The following GLT1D1 variants were observed in gnomAD, a reference collection of about 807,000 sequenced individuals.
GLT1D1 encodes glycosyltransferase 1 domain containing 1, also known as glycosyltransferase 1 domain-containing protein 1.
Under a neutral mutation model 28.7 loss-of-function variants are expected in GLT1D1, and 21 were observed. The observed-to-expected ratio is 0.73, with a 90% CI of 0.52 to 1.05. The LOEUF (loss-of-function observed/expected upper bound fraction) is 1.05, where lower values mean the gene tolerates loss of function less well. GLT1D1 is among the 50% of genes least tolerant of loss of function. The probability of loss-of-function intolerance (pLI) is 0.00; values close to 1 mark genes in which losing one functional copy is unlikely to be tolerated. For missense variants in GLT1D1, 343 were observed against 330.6 expected, an observed-to-expected ratio of 1.04 and a Z score of -0.29; for synonymous variants, 147 against 124.8, an observed-to-expected ratio of 1.18 and a Z score of -1.19.
intron 3 of GLT1D1, among the ~76,000 whole-genome samples, chr12:128,889,405 C>T (rs867703680): frequency 6.6e-6 from 1 of 152,114 alleles, no homozygotes; most frequent in East Asian, 1.9e-4. Flanking sequence ...GAGAACAGCT[C>T]TACATGCTCT....
rs149199080 is a variant in GLT1D1 at position 128,888,202 on chromosome 12, C to T, written c.218-437C>T. Among the ~76,000 whole-genome samples the T allele has an allele frequency of 2.2e-4, 34 of 152,172 alleles. No homozygotes were observed. The East Asian group carries it at 6.0e-3, about 27-fold the overall frequency. ...AGGATATTATCAAGGTTGTCTGTAC[C>T]TCTCTCTCCCCTGTTGTTGTCCCAA... On this transcript the variant is annotated intron_variant, in intron 2 of 7. Transcript: ENST00000281703.
chr12:128,945,495 A>G, intron 5 of GLT1D1, 126 bp downstream of exon 9: 1 of 825,444 alleles, frequency 1.2e-6, no homozygotes, highest in Non-Finnish European at 2.1e-6. Flanking sequence ...TTCCTCATGC[A>G]TCTTCCCGGC....
chr12:128,928,779 C>T (rs1438146029), intron 4 of GLT1D1, among the ~76,000 whole-genome samples: 2 of 151,988 alleles, frequency 1.3e-5, no homozygotes, highest in African/African-American at 4.8e-5. Flanking sequence ...TGCCACCACA[C>T]CTGGCTAATT....
chr12:128,915,715 C>A (rs1245298156), intron 4 of GLT1D1, among the ~76,000 whole-genome samples: 2 of 152,160 alleles, frequency 1.3e-5, no homozygotes, highest in African/African-American at 4.8e-5. Context: ...CAAAAAGAAA[C>A]TGCTATTAAT....
chr12:128,981,355 GTT>G (rs982103877), intron 7 of GLT1D1, among the ~76,000 whole-genome samples: 52 of 152,126 alleles, frequency 3.4e-4, no homozygotes, highest in African/African-American at 1.2e-3. Context: ...AGGGGGTTGG[GTT>G]TCCACCAAAG....
chr12:128,894,781 C>T (rs112489104), intron 3 of GLT1D1, among the ~76,000 whole-genome samples: 33 of 151,948 alleles, frequency 2.2e-4, no homozygotes, highest in African/African-American at 5.8e-4. Context: ...ACCCAGGAGG[C>T]GGAGGTTACA....
intron 2 of GLT1D1, among the ~76,000 whole-genome samples, chr12:128,885,801 G>T (rs1957161638): frequency 6.6e-6 from 1 of 151,974 alleles, no homozygotes; most frequent in Non-Finnish European, 1.5e-5. Flanking sequence ...TCTTTTAGGT[G>T]TCTATTTTTC....
Position 128,947,424 on chromosome 12 carries a change from C to G in GLT1D1, c.506C>G (p.Ser169Cys), listed in dbSNP as rs755891712. Residue 169 changes from serine (S) to cysteine (C), a missense_variant, in exon 6 of 8, where the codon TCT (serine) becomes TGT (cysteine). By Grantham distance (112) the Ser-to-Cys change is moderately radical (BLOSUM62 -1). Transcript: ENST00000281703. ...AATTGCTTCGCGGTGGTGAATAGCT[C>G]TGTCTCTGAAGGCATGTCAGCTGCA... The G allele has an allele frequency of 3.1e-6, 5 of 1,614,016 alleles. No individual in the cohort carries two copies. In the Admixed American group the frequency reaches 5.0e-5, roughly 16 times the overall value.
chr12:128,890,018 C>T (rs1593088518), intron 3 of GLT1D1, among the ~76,000 whole-genome samples: 1 of 152,350 alleles, frequency 6.6e-6, no homozygotes, highest in African/African-American at 2.4e-5. Context: ...AAGCGATCCA[C>T]CTGCCTCGGC....
At chr12:128,942,747 T>A (rs960846064) in intron 4 of GLT1D1, among the ~76,000 whole-genome samples, 1 of 68,874 alleles carries the variant, frequency 1.5e-5, no homozygotes, top group Non-Finnish European at 2.8e-5. Flanking sequence ...TTGTTTGTTT[T>A]TGTTTTTTGT....
intron 4 of GLT1D1, among the ~76,000 whole-genome samples, chr12:128,932,180 C>T (rs1010871025): frequency 6.6e-6 from 1 of 152,166 alleles, no homozygotes; most frequent in Non-Finnish European, 1.5e-5. Context: ...TTTAGCTCCT[C>T]CTTGATTTCC....
intron 4 of GLT1D1, among the ~76,000 whole-genome samples, chr12:128,919,461 C>T (rs1326333550): frequency 6.6e-6 from 1 of 152,178 alleles, no homozygotes; most frequent in Non-Finnish European, 1.5e-5. Flanking sequence ...GATGCATTCT[C>T]CTCTTCCGGC....
At chr12:128,975,715 G>A (rs1028148867) in intron 7 of GLT1D1, among the ~76,000 whole-genome samples, 3 of 152,188 alleles carry the variant, frequency 2.0e-5, no homozygotes, top group African/African-American at 7.2e-5. Flanking sequence ...GGCTCCCAAA[G>A]TGCAGAGATT....
intron 4 of GLT1D1, among the ~76,000 whole-genome samples, chr12:128,934,680 TAGA>T (rs978093159): frequency 1.9e-4 from 29 of 152,342 alleles, no homozygotes; most frequent in African/African-American, 6.5e-4. Flanking sequence ...AGTTATTGAT[TAGA>T]AGAAGACAAG....
chr12:128,978,860 C>T (rs470611), intron 7 of GLT1D1, among the ~76,000 whole-genome samples: 1 of 152,024 alleles, frequency 6.6e-6, no homozygotes, highest in Non-Finnish European at 1.5e-5. Flanking sequence ...AATTTCCTGA[C>T]GTTGCCATAG....
intron 4 of GLT1D1, among the ~76,000 whole-genome samples, chr12:128,920,133 C>T (rs1412588872): frequency 6.6e-6 from 1 of 152,150 alleles, no homozygotes; most frequent in Non-Finnish European, 1.5e-5. Context: ...GTATGGAAAA[C>T]TAGTGTTAGT....
intron 4 of GLT1D1, among the ~76,000 whole-genome samples, chr12:128,905,703 C>T (rs1403247434): frequency 6.6e-6 from 1 of 152,146 alleles, no homozygotes; most frequent in Non-Finnish European, 1.5e-5. Context: ...ATATACAATC[C>T]TAGTGGGCTC....
At chr12:128,940,486 C>A (rs1165243847) in intron 4 of GLT1D1, among the ~76,000 whole-genome samples, 2 of 152,180 alleles carry the variant, frequency 1.3e-5, no homozygotes, top group Non-Finnish European at 2.9e-5. Context: ...GCCTGGGTGG[C>A]CTGACCCTGG....
At chr12:128,978,388 A>G (rs2135556368) in intron 7 of GLT1D1, among the ~76,000 whole-genome samples, 1 of 152,242 alleles carries the variant, frequency 6.6e-6, no homozygotes, top group African/African-American at 2.4e-5. Context: ...CAGGGCGGGC[A>G]CGGCTCTCCT....
Sources: allele counts gnomAD v4.1 joint callset (sites outside exome capture counted in the v4.1 genomes callset), GRCh38; gene constraint gnomAD v4.1.1; transcripts MANE v1.5; gene names NCBI Gene and HGNC (gene_info 2026-07-23, HGNC 2026-07-21).